The following MROH6 variants were observed in gnomAD, a reference collection of about 807,000 sequenced individuals.
The protein encoded by MROH6 is maestro heat like repeat family member 6, also known as maestro heat-like repeat-containing protein family member 6.
MROH6 carries 62 observed loss-of-function variants against 67.7 expected under a neutral mutation model. That is an observed-to-expected ratio of 0.92 (90% CI 0.75 to 1.13). The LOEUF (loss-of-function observed/expected upper bound fraction) is 1.13. MROH6 is among the 50% of genes most tolerant of loss of function. The pLI, the probability that MROH6 is intolerant of heterozygous loss-of-function variation, is 0.00. For synonymous variants in MROH6, 566 were observed against 470.8 expected, an observed-to-expected ratio of 1.20 and a Z score of -2.62; for missense variants, 1,175 against 1,029.1, an observed-to-expected ratio of 1.14 and a Z score of -1.94.
intron 3 of MROH6, 119 bp downstream of exon 3, chr8:143,571,548 G>T: frequency 7.5e-7 from 1 of 1,341,414 alleles, no homozygotes. Context: ...TCATCGCGGG[G>T]CTGGAATAAG....
rs534878888 is a variant in MROH6 at position 143,566,315 on chromosome 8, G to C, written c.*924C>G. 49 of 152,388 alleles carry C rather than the reference G, an allele frequency of 3.2e-4. No individual in the cohort carries two copies. Among genetic ancestry groups the C allele is most frequent in the Admixed American group, 2.4e-3 (36 of 15,306 alleles). The allele number at this position is 152,388 out of a possible 1,614,324, so 9.4% of individuals were successfully genotyped here. A position where few individuals can be genotyped will look rare whatever the true frequency, so the allele number is the denominator to read the frequency against. On this transcript the variant is annotated 3_prime_UTR_variant, in exon 14 of 14. Coordinates refer to ENST00000398882, the MANE Select transcript of MROH6 (RefSeq NM_001100878.2). ...GGCAAGTGGTCCCAGCCCTTCACAA[G>C]GCTGCACACACTCCCTGTGCACTCG...
Position 143,572,111 on chromosome 8 carries a change from A to G in MROH6, c.369T>C (p.Ala123=), listed in dbSNP as rs1294967448. The G allele has an allele frequency of 5.0e-6, 8 of 1,612,856 alleles. No individual in the cohort carries two copies. Among genetic ancestry groups the G allele is most frequent in the Non-Finnish European group, 6.8e-6 (8 of 1,179,830 alleles). ...ALYTAACLEE[A]GFAGTQATVL... The stretch of plus-strand genomic sequence containing the variant: ...CTGTCGCCTGGGTCCCTGCAAAGCC[A>G]GCCTCCTCCAGGCAGGCAGCCGTGT... Residue 123 remains alanine, a synonymous_variant, in exon 2 of 14, where the codon GCT becomes GCC. Transcript: ENST00000398882.
At chr8:143,571,232 G>A (rs1386813640) in intron 3 of MROH6, among the ~76,000 whole-genome samples, 8 of 152,224 alleles carry the variant, frequency 5.3e-5, no homozygotes, top group Admixed American at 2.0e-4. Flanking sequence ...TGGGAGTCCC[G>A]TTGGGTCAGC....
rs938336320 is a variant in MROH6, at chr8:143,572,676, C to A, written c.39G>T (p.Glu13Asp). 1 of 1,535,108 alleles carries A rather than the reference C, an allele frequency of 6.5e-7. No individual in the cohort carries two copies. Among genetic ancestry groups the A allele is most frequent in the Non-Finnish European group, 8.7e-7 (1 of 1,144,416 alleles). ...TCAGGGTTAGAGCCCCCACGGGAGC[C>A]TCCCGGGCCCGGCTCCGGCCCCACA... ...GGVWGRSRAR[E>D]APVGALTLTA... Residue 13 changes from glutamate (E) to aspartate (D), a missense_variant, in exon 1 of 14, where the codon GAG (glutamate) becomes GAT (aspartate). Coordinates refer to ENST00000398882, the MANE Select transcript of MROH6 (RefSeq NM_001100878.2).
intron 3 of MROH6, 129 bp downstream of exon 3, chr8:143,571,538 T>C (rs1250608528): frequency 8.1e-7 from 1 of 1,237,160 alleles, no homozygotes; most frequent in East Asian, 2.6e-5. Flanking sequence ...GGGGCATGAG[T>C]CATCGCGGGG....
chr8:143,571,132 A>T (rs1462213794), intron 3 of MROH6, 138 bp from the exon 4 acceptor site: 2 of 643,622 alleles, frequency 3.1e-6, no homozygotes, highest in African/African-American at 3.7e-5. Flanking sequence ...ATCTCCCCCC[A>T]TCCCCAAATC....
rs1823935412 is a variant in MROH6 at position 143,570,280 on chromosome 8, C to T, written c.1006G>A (p.Ala336Thr). ...QAGGWRRLVG[A>T]HTHLEGVLLL... is the part of the protein sequence containing the mutation. ...AGGACGCCCTCCAGGTGGGTGTGGGCTCCCACCAGCCTCCTCCAGCCTCCT... is the reference window on the plus strand; with the variant it reads ...AGGACGCCCTCCAGGTGGGTGTGGGTTCCCACCAGCCTCCTCCAGCCTCCT... Residue 336 changes from alanine to threonine, a missense_variant, in exon 6 of 14, where the codon GCC (alanine) becomes ACC (threonine). Transcript: ENST00000398882. The T allele has an allele frequency of 1.2e-6, 2 of 1,603,006 alleles. No individual in the cohort carries two copies. Among genetic ancestry groups the T allele is most frequent in the Middle Eastern group, 1.7e-4 (1 of 6,046 alleles).
rs2130647845 is a variant in MROH6 at position 143,570,550 on chromosome 8, C to T, written c.828G>A (p.Leu276=). ...TGTCGGGGGAGCACGGGCTGCGGGC[C>T]AGCTTGTGCAGCTGTGTGACCAGCG... The part of the protein sequence containing the change: ...LLALVTQLHK[L]ARSPCSPDMP... Residue 276 remains leucine, a synonymous_variant, in exon 5 of 14, where the codon CTG becomes CTA. Coordinates refer to ENST00000398882, the MANE Select transcript of MROH6 (RefSeq NM_001100878.2). The T allele has an allele frequency of 6.2e-7, 1 of 1,610,294 alleles. No homozygotes were observed.
In MROH6 at chr8:143,572,338, G is replaced by A. The variant is rs573238529; in HGVS notation, c.294+83C>T. ...GCTGACCTCCCCCGGGGCCAGCACC[G>A]CCCCCCTGCCACCCCGCCTTCCACC... is the stretch of plus-strand genomic sequence containing the variant. On this transcript the variant is annotated intron_variant, in intron 1 of 13. Coordinates refer to ENST00000398882, the MANE Select transcript of MROH6 (RefSeq NM_001100878.2). 2.9e-4 allele frequency: 425 copies of A among 1,476,208 alleles called. 6 individuals carry two copies. The South Asian group carries it at 3.7e-3, about 13-fold the overall frequency. 91.4% of individuals were successfully genotyped at this position (1,476,208 alleles called of 1,614,324 possible). A position where few individuals can be genotyped will look rare whatever the true frequency, so the allele number is the denominator to read the frequency against.
chr8:143,570,449 A>G, intron 5 of MROH6, 24 bp downstream of exon 5: 1 of 1,326,652 alleles, frequency 7.5e-7, no homozygotes, highest in Non-Finnish European at 1.0e-6. Flanking sequence ...GGCCCGCCCC[A>G]CGTAACCTGG....
At position 143,572,711 on chromosome 8, in the gene MROH6, C is replaced by CA. The variant is rs1824134785; in HGVS notation, c.3_4insT (p.Ala2CysfsTer25). ...CGGCTCCGGCCCCACACACCCCCAG[C>CA]CATGGCGGCCCTTGCCTGCAGCACC... On this transcript the variant is annotated frameshift_variant, in exon 1 of 14. Transcript: ENST00000398882. LOFTEE classifies it high-confidence loss of function. 1 of 1,480,550 alleles carries CA rather than the reference C, an allele frequency of 6.8e-7. No individual in the cohort carries two copies. The highest frequency in any genetic ancestry group is 1.4e-5 in the African/African-American group (1 of 71,584). 91.7% of individuals were successfully genotyped at this position (1,480,550 alleles called of 1,614,324 possible).
In MROH6 at chr8:143,572,708, C is replaced by G; in HGVS notation, c.7G>C (p.Gly3Arg). 1 of 1,485,938 alleles carries G rather than the reference C, an allele frequency of 6.7e-7. No homozygotes were observed. Among genetic ancestry groups the G allele is most frequent in the African/African-American group, 1.4e-5 (1 of 71,908 alleles). The allele number at this position is 1,485,938 out of a possible 1,614,324, so 92.0% of individuals were successfully genotyped here. Residue 3 changes from glycine to arginine, a missense_variant, in exon 1 of 14, where the codon GGG becomes CGG. Physicochemically the swap from Gly to Arg is moderately radical, Grantham distance 125. Coordinates refer to ENST00000398882, the MANE Select transcript of MROH6 (RefSeq NM_001100878.2). ...GCCCGGCTCCGGCCCCACACACCCC[C>G]AGCCATGGCGGCCCTTGCCTGCAGC... MA[G>R]GVWGRSRARE...
chr8:143,571,523 G>C, intron 3 of MROH6, 144 bp downstream of exon 3: 1 of 1,084,854 alleles, frequency 9.2e-7, no homozygotes, highest in Non-Finnish European at 1.3e-6. Context: ...AGCGGGAATG[G>C]ATACGGGGCA....
intron 6 of MROH6, 58 bp downstream of exon 6, chr8:143,570,174 CCCAGCACCTGG>C: frequency 6.4e-7 from 1 of 1,559,246 alleles, no homozygotes; most frequent in Non-Finnish European, 8.7e-7. Context: ...TGTCCCCCTG[CCCAGCACCTGG>C]CCAGCAACGA....
chr8:143,570,851 C>G (rs1253774352), intron 4 of MROH6, 26 bp downstream of exon 4: 1 of 1,459,296 alleles, frequency 6.9e-7, no homozygotes, highest in Admixed American at 2.0e-5. Flanking sequence ...CGCCCCCACC[C>G]CCTGGTAATG....
At position 143,569,486 on chromosome 8, in the gene MROH6, G is replaced by T. The variant is rs1472830243; in HGVS notation, c.1431C>A (p.Leu477=). 2 of 1,481,274 alleles carry T rather than the reference G, an allele frequency of 1.4e-6. No individual in the cohort carries two copies. Among genetic ancestry groups the T allele is most frequent in the Non-Finnish European group, 1.8e-6 (2 of 1,125,646 alleles). 91.8% of individuals were successfully genotyped at this position (1,481,274 alleles called of 1,614,324 possible). The change falls in exon 9 of 14, where the codon CTC becomes CTA. Residue 477 remains leucine (L), a synonymous_variant. Coordinates refer to ENST00000398882, the MANE Select transcript of MROH6 (RefSeq NM_001100878.2). The part of the protein sequence containing the change: ...LLLRPRAPVR[L]LSAELGPRLP... ...GGCGCGGTCCCAGCTCCGCGCTCAGGAGCCGCACAGGCGCCCGGGGCCGCA... is the reference window on the plus strand; with the variant it reads ...GGCGCGGTCCCAGCTCCGCGCTCAGTAGCCGCACAGGCGCCCGGGGCCGCA...
At chr8:143,568,039 T>C (rs1288778292) in intron 11 of MROH6, 103 bp downstream of exon 11, 6 of 1,484,726 alleles carry the variant, frequency 4.0e-6, no homozygotes, top group Non-Finnish European at 5.4e-6. Context: ...CAGTAGCCTA[T>C]CTGGTTTGGC....
chr8:143,571,016 G>C, intron 3 of MROH6, 22 bp from the exon 4 acceptor site: 1 of 1,544,860 alleles, frequency 6.5e-7, no homozygotes, highest in African/African-American at 1.4e-5. Flanking sequence ...GAGGGGGCTG[G>C]TGTGAGACAA....
At position 143,572,401 on chromosome 8, in the gene MROH6, T is replaced by A; in HGVS notation, c.294+20A>T. 1.9e-6 allele frequency: 3 copies of A among 1,540,232 alleles called. No individual in the cohort carries two copies. The East Asian group carries it at 6.9e-5, about 35-fold the overall frequency. ...GACCCCCAGGCCGGTTCGCACAACA[T>A]CCCTTCCCTCCCCCGTCACCTGGTG... On this transcript the variant is annotated intron_variant, in intron 1 of 13. Transcript: ENST00000398882.
Sources: allele counts gnomAD v4.1 joint callset (sites outside exome capture counted in the v4.1 genomes callset), GRCh38; gene constraint gnomAD v4.1.1; transcripts MANE v1.5; gene names NCBI Gene and HGNC (gene_info 2026-07-23, HGNC 2026-07-21).